Variants in DYNC2I1 observed in about 807,000 individuals in gnomAD.
The protein encoded by DYNC2I1 is cytoplasmic dynein 2 intermediate chain 1.
Under a neutral mutation model 133.4 loss-of-function variants are expected in DYNC2I1, and 89 were observed. The observed-to-expected ratio is 0.67, with a 90% confidence interval of 0.56 to 0.80. DYNC2I1 has a LOEUF of 0.80. DYNC2I1 is among the 30% of genes least tolerant of loss of function. The pLI is 0.00. For missense variants in DYNC2I1, 1,291 were observed against 1,314.5 expected (o/e 0.98, Z 0.28); for synonymous variants, 504 against 484.3 (o/e 1.04, Z -0.54).
At chr7:158,877,316 G>T (rs1444372205) in intron 4 of DYNC2I1, among the ~76,000 whole-genome samples, 1 of 152,218 alleles carries the variant, frequency 6.6e-6, no homozygotes, top group African/African-American at 2.4e-5. Flanking sequence ...TGCGGTGCGG[G>T]TGTGTTGGTG....
At position 158,911,604 on chromosome 7, in the gene DYNC2I1, C is replaced by T. The variant is rs775226564; in HGVS notation, c.1515C>T (p.Phe505=). ...RLIDLDFSFT[F]SLLDLPPVNE... is the part of the protein sequence containing the mutation. ...TTGACTTAGATTTTTCATTTACTTT[C>T]TCTCTCTTGGATCTACCACCAGTAA... The change falls in exon 12 of 25, where the codon TTC becomes TTT. Residue 505 remains phenylalanine (F), a synonymous_variant. Coordinates refer to ENST00000407559, the MANE Select transcript of DYNC2I1 (RefSeq NM_018051.5). 1.2e-6 allele frequency: 2 copies of T among 1,613,418 alleles called. No homozygotes were observed. Among genetic ancestry groups the T allele is most frequent in the Admixed American group, 1.7e-5 (1 of 59,954 alleles).
intron 7 of DYNC2I1, among the ~76,000 whole-genome samples, chr7:158,890,130 G>A (rs940952173): frequency 3.3e-5 from 5 of 151,708 alleles, no homozygotes; most frequent in Admixed American, 1.3e-4. Flanking sequence ...TTACAGGTGC[G>A]AGCCACCACA....
At chr7:158,886,056 TTA>T (rs988784028) in intron 6 of DYNC2I1, among the ~76,000 whole-genome samples, 2 of 148,840 alleles carry the variant, frequency 1.3e-5, no homozygotes, top group East Asian at 1.9e-4. Flanking sequence ...TATTTATATT[TTA>T]TATATATCTT....
At chr7:158,894,230 A>G (rs1383573831) in intron 8 of DYNC2I1, among the ~76,000 whole-genome samples, 1 of 152,066 alleles carries the variant, frequency 6.6e-6, no homozygotes, top group Non-Finnish European at 1.5e-5. Context: ...ATCCTACCAC[A>G]TATCGTACTG....
intron 3 of DYNC2I1, among the ~76,000 whole-genome samples, chr7:158,875,276 G>A (rs1367651954): frequency 6.6e-6 from 1 of 151,894 alleles, no homozygotes; most frequent in Non-Finnish European, 1.5e-5. Flanking sequence ...TGTATTTTTA[G>A]TAAAGGTGGG....
Position 158,856,722 on chromosome 7 carries a change from G to A in DYNC2I1, c.-14G>A, listed in dbSNP as rs1841266717. On this transcript the variant is annotated 5_prime_UTR_variant, in exon 1 of 25. Transcript: ENST00000407559. ...GGCCGAGGACACCGCGGCCGCCCGG[G>A]CCTGCGGGAAGCGATGGAGCCCGGG... 1.6e-6 allele frequency: 2 copies of A among 1,234,038 alleles called. No individual in the cohort carries two copies. The highest frequency in any genetic ancestry group is 4.2e-5 in the Admixed American group (1 of 23,658). The allele number at this position is 1,234,038 out of a possible 1,614,324, so 76.4% of individuals were successfully genotyped here.
chr7:158,923,336 G>A lies in DYNC2I1; in HGVS notation c.2095-235G>A, dbSNP rs116032908. Among the ~76,000 whole-genome samples, 1,518 of 152,212 alleles carry A rather than the reference G, an allele frequency of 1.0e-2. 28 individuals are homozygous for A. The highest frequency in any genetic ancestry group is 0.034 in the African/African-American group (1,417 of 41,516). On this transcript the variant is annotated intron_variant, in intron 16 of 24. Transcript: ENST00000407559. ...GACCAGATGAGTGTCAGCACCTTGC[G>A]TTTGTGATCATAACAAGCCTACGGG...
chr7:158,843,209 C>T, the DYNC2I1 span, among the ~76,000 whole-genome samples: 1 of 152,178 alleles, frequency 6.6e-6, no homozygotes, highest in African/African-American at 2.4e-5. Flanking sequence ...ATTCTCCCAC[C>T]TCAAACTCCT....
At chr7:158,865,287 C>T (rs1350285353) in intron 1 of DYNC2I1, among the ~76,000 whole-genome samples, 1 of 152,174 alleles carries the variant, frequency 6.6e-6, no homozygotes, top group Non-Finnish European at 1.5e-5. Context: ...CCTTGAAGCC[C>T]TGCATTGAGG....
chr7:158,909,709 A>G (rs1005145302), intron 11 of DYNC2I1, among the ~76,000 whole-genome samples: 1 of 152,218 alleles, frequency 6.6e-6, no homozygotes, highest in African/African-American at 2.4e-5. Flanking sequence ...AAAGAAGGGA[A>G]ACATGGAGGC....
At chr7:158,918,960 G>A (rs951973254) in intron 15 of DYNC2I1, 91 bp downstream of exon 15, 1 of 1,362,212 alleles carries the variant, frequency 7.3e-7, no homozygotes, top group Non-Finnish European at 9.8e-7. Context: ...TTATTTTAAT[G>A]TGATGGGGTT....
intron 11 of DYNC2I1, among the ~76,000 whole-genome samples, chr7:158,907,273 C>CTTTTTT (rs36062364): frequency 6.0e-5 from 6 of 99,714 alleles, no homozygotes; most frequent in African/African-American, 2.2e-4. Context: ...CCATGGCCTT[C>CTTTTTT]TTTTTTTTTT....
intron 8 of DYNC2I1, among the ~76,000 whole-genome samples, chr7:158,894,071 CATACCACATATT>C (rs1467918425): frequency 1.1e-4 from 16 of 152,056 alleles, no homozygotes; most frequent in Non-Finnish European, 1.8e-4. Context: ...CACCACATAT[CATACCACATATT>C]ATACCGTATA....
chr7:158,911,164 T>C (rs1056551233), intron 11 of DYNC2I1, among the ~76,000 whole-genome samples: 1 of 152,202 alleles, frequency 6.6e-6, no homozygotes, highest in South Asian at 2.1e-4. Context: ...CCGACCATGG[T>C]GCAGGTGATT....
intron 3 of DYNC2I1, among the ~76,000 whole-genome samples, chr7:158,871,865 T>A (rs78579194): frequency 0.011 from 1,620 of 152,334 alleles, 31 homozygotes; most frequent in Admixed American, 0.043. Flanking sequence ...TCTTGCTGTT[T>A]GGGACATTTT....
chr7:158,935,204 C>T (rs1346595512), intron 23 of DYNC2I1, among the ~76,000 whole-genome samples: 1 of 152,206 alleles, frequency 6.6e-6, no homozygotes, highest in African/African-American at 2.4e-5. Flanking sequence ...AGGCAGCAGT[C>T]CCTGCGCTGC....
At chr7:158,958,117 C>T (rs1221117758), downstream of DYNC2I1, among the ~76,000 whole-genome samples, 1 of 149,250 alleles carries the variant, frequency 6.7e-6, no homozygotes, top group Non-Finnish European at 1.5e-5. Context: ...GAGGTCTGCA[C>T]CTGCCCGTCA....
At chr7:158,892,812 G>A (rs537594706) in intron 8 of DYNC2I1, among the ~76,000 whole-genome samples, 1 of 151,858 alleles carries the variant, frequency 6.6e-6, no homozygotes, top group African/African-American at 2.4e-5. Context: ...GTGGTGGCGC[G>A]TGCCTGTAAT....
At chr7:158,924,185 A>G (rs1337410008) in intron 17 of DYNC2I1, among the ~76,000 whole-genome samples, 1 of 152,242 alleles carries the variant, frequency 6.6e-6, no homozygotes, top group African/African-American at 2.4e-5. Flanking sequence ...GGCACCTGGC[A>G]TAAGTGTTCC....
Sources: gnomAD v4.1 joint callset for allele counts (sites outside exome capture counted in the v4.1 genomes callset) on GRCh38, gnomAD v4.1.1 for gene constraint, MANE v1.5 for transcripts, NCBI Gene and HGNC (gene_info 2026-07-23, HGNC 2026-07-21) for gene names.